Variants in PDE6C observed in about 807,000 individuals in gnomAD.
PDE6C encodes phosphodiesterase 6C, also known as cone cGMP-specific 3',5'-cyclic phosphodiesterase subunit alpha'.
In PDE6C, 75 loss-of-function variants were observed where a neutral mutation model predicts 113.1. That is an observed-to-expected ratio of 0.66 (90% CI 0.55 to 0.80). The LOEUF is 0.80. PDE6C is among the 30% of genes least tolerant of loss of function. PDE6C has a pLI of 0.00. For missense variants in PDE6C, 912 were observed against 1,038.6 expected (o/e 0.88, Z 1.67); for synonymous variants, 375 against 363.7 (o/e 1.03, Z -0.35).
chr10:93,652,939 A>G (rs1435443227), intron 15 of PDE6C, among the ~76,000 whole-genome samples: 1 of 152,216 alleles, frequency 6.6e-6, no homozygotes, highest in East Asian at 1.9e-4. Flanking sequence ...TTAATGTGCT[A>G]TAAATATTAA....
chr10:93,622,640 TTTTTTTTTTGTTTTTTTTTTTGTTG>T (rs1167354752), intron 4 of PDE6C, among the ~76,000 whole-genome samples: 183 of 5,324 alleles, frequency 0.034, 7 homozygotes, highest in South Asian at 0.15. Context: ...TAGCCACAGG[TTTTTTTTTTGTTTTTTTTTTTGTTG>T]TTTTTTTTTT....
chr10:93,653,781 AT>A (rs2058620620), intron 15 of PDE6C, among the ~76,000 whole-genome samples: 2 of 152,336 alleles, frequency 1.3e-5, no homozygotes, highest in South Asian at 2.1e-4. Context: ...AAGTTTAACT[AT>A]AGTTGCTATG....
intron 14 of PDE6C, among the ~76,000 whole-genome samples, chr10:93,643,215 C>T (rs967106643): frequency 1.3e-5 from 2 of 152,020 alleles, no homozygotes; most frequent in South Asian, 2.1e-4. Context: ...TTGAAGTTGC[C>T]ATCTTGCCTC....
Position 93,620,650 on chromosome 10 carries a change from T to C in PDE6C, c.499T>C (p.Phe167Leu), listed in dbSNP as rs1416122174. ...DVKKNSHFSD[F>L]MDKQTGYVTK... is the part of the protein sequence containing the mutation. ...CTTTCAGAACAGCCATTTTTCTGAC[T>C]TCATGGACAAGCAAACTGGGTATGT... The change falls in exon 2 of 22, where the codon TTC becomes CTC. Residue 167 changes from phenylalanine (F) to leucine (L), a missense_variant. Transcript: ENST00000371447. 1 of 1,614,136 alleles carries C rather than the reference T, an allele frequency of 6.2e-7. No individual in the cohort carries two copies. The highest frequency in any genetic ancestry group is 1.1e-5 in the South Asian group (1 of 91,084).
chr10:93,620,852 A>G, intron 2 of PDE6C, 39 bp from the exon 3 acceptor site: 2 of 1,612,966 alleles, frequency 1.2e-6, no homozygotes, highest in Non-Finnish European at 1.7e-6. Context: ...CAAAGAAAAG[A>G]TGTCACAACC....
chr10:93,629,189 T>TC, intron 7 of PDE6C, 69 bp from the exon 8 acceptor site: 1 of 1,276,960 alleles, frequency 7.8e-7, no homozygotes. Context: ...TCTTTCTTAT[T>TC]CTGCTTTGTG....
At chr10:93,623,316 C>G (rs550662181) in intron 4 of PDE6C, among the ~76,000 whole-genome samples, 33 of 152,188 alleles carry the variant, frequency 2.2e-4, no homozygotes, top group Non-Finnish European at 2.8e-4. Context: ...ATGTTGTTTT[C>G]TTATCATTCA....
At chr10:93,622,573 T>C (rs2134595727) in intron 4 of PDE6C, among the ~76,000 whole-genome samples, 1 of 151,426 alleles carries the variant, frequency 6.6e-6, no homozygotes, top group South Asian at 2.1e-4. Flanking sequence ...TTTCAGTGCC[T>C]CAAAGCCCTC....
intron 1 of PDE6C, among the ~76,000 whole-genome samples, chr10:93,620,073 T>C (rs2058437920): frequency 6.6e-6 from 1 of 152,098 alleles, no homozygotes; most frequent in Admixed American, 6.6e-5. Context: ...GAAAACTCTT[T>C]GTTCAAGCAT....
intron 8 of PDE6C, among the ~76,000 whole-genome samples, chr10:93,634,017 G>T (rs2058515819): frequency 6.6e-6 from 1 of 151,940 alleles, no homozygotes; most frequent in African/African-American, 2.4e-5. Context: ...AACACCAAAA[G>T]ATTACTCTTT....
chr10:93,650,203 C>T (rs75530375), intron 15 of PDE6C, among the ~76,000 whole-genome samples: 1,647 of 152,230 alleles, frequency 0.011, 27 homozygotes, highest in East Asian at 0.084. Context: ...GTTTCTTTCA[C>T]GCAAAATAAT....
At position 93,665,937 on chromosome 10, in the gene PDE6C, T is replaced by A; in HGVS notation, c.*519T>A. The A allele has an allele frequency of 5.4e-6, 1 of 186,200 alleles. No homozygotes were observed. Among genetic ancestry groups the A allele is most frequent in the South Asian group, 1.1e-4 (1 of 8,844 alleles). The allele number at this position is 186,200 out of a possible 1,614,324, so 11.5% of individuals were successfully genotyped here. A position where few individuals can be genotyped will look rare whatever the true frequency, so the allele number is the denominator to read the frequency against. On this transcript the variant is annotated 3_prime_UTR_variant, in exon 22 of 22. Coordinates refer to ENST00000371447, the MANE Select transcript of PDE6C (RefSeq NM_006204.4). The stretch of plus-strand genomic sequence containing the variant: ...CCTAATCTCCTTTTCTTATAAGGAC[T>A]CCAGTAGGACTGGATTAGGGCCTAC...
intron 18 of PDE6C, among the ~76,000 whole-genome samples, chr10:93,660,378 A>T (rs2058660688): frequency 6.6e-6 from 1 of 152,200 alleles, no homozygotes; most frequent in Non-Finnish European, 1.5e-5. Flanking sequence ...AGAGGGTATG[A>T]TCTAATCGTG....
intron 17 of PDE6C, 24 bp downstream of exon 17, chr10:93,659,032 T>C (rs754630792): frequency 1.9e-6 from 3 of 1,577,772 alleles, no homozygotes; most frequent in South Asian, 2.2e-5. Flanking sequence ...ATTGTATTTC[T>C]CTCTTGTTTT....
At chr10:93,663,985 A>T (rs1343250771) in intron 21 of PDE6C, among the ~76,000 whole-genome samples, 1 of 152,214 alleles carries the variant, frequency 6.6e-6, no homozygotes, top group African/African-American at 2.4e-5. Flanking sequence ...TATTGCATTT[A>T]GTGAAATTTT....
At chr10:93,641,818 C>T (rs1239720582) in intron 14 of PDE6C, among the ~76,000 whole-genome samples, 1 of 152,136 alleles carries the variant, frequency 6.6e-6, no homozygotes, top group African/African-American at 2.4e-5. Flanking sequence ...GCTGGTCTTC[C>T]ATCTTAACAT....
In PDE6C at chr10:93,613,197, G is replaced by A; in HGVS notation, c.472G>A (p.Val158Met). The A allele has an allele frequency of 3.1e-6, 5 of 1,613,702 alleles. No homozygotes were observed. The South Asian group carries it at 5.5e-5, about 18-fold the overall frequency. ...GAAGAAAACTCATAATGTCCCAGAT[G>A]TGAAAAAGGTAGGTGGCCTTATGAC... ...HTKKTHNVPD[V>M]KKNSHFSDFM... The change falls in exon 1 of 22, where the codon GTG (valine) becomes ATG (methionine). Residue 158 changes from valine to methionine, a missense_variant. Coordinates refer to ENST00000371447, the MANE Select transcript of PDE6C (RefSeq NM_006204.4).
In PDE6C at chr10:93,620,877, T is replaced by C; in HGVS notation, c.634-14T>C. 1 of 1,613,720 alleles carries C rather than the reference T, an allele frequency of 6.2e-7. No individual in the cohort carries two copies. Among genetic ancestry groups the C allele is most frequent in the Non-Finnish European group, 8.5e-7 (1 of 1,179,594 alleles). On this transcript the variant is annotated splice_polypyrimidine_tract_variant and intron_variant, in intron 2 of 21. Transcript: ENST00000371447. ...ATGTCACAACCATAACTTGTTATTC[T>C]CTGCCGTCTGTAGGTCTTTTCCAAA...
intron 15 of PDE6C, among the ~76,000 whole-genome samples, chr10:93,646,843 G>A (rs1195883090): frequency 6.6e-6 from 1 of 152,146 alleles, no homozygotes; most frequent in Non-Finnish European, 1.5e-5. Flanking sequence ...GGTTTGGGTG[G>A]AGACACAGAT....
Sources: gnomAD v4.1 joint callset for allele counts (sites outside exome capture counted in the v4.1 genomes callset) on GRCh38, gnomAD v4.1.1 for gene constraint, MANE v1.5 for transcripts, NCBI Gene and HGNC (gene_info 2026-07-23, HGNC 2026-07-21) for gene names.